PC: variants seen among roughly 807,000 people sequenced by gnomAD.
PC encodes the protein pyruvate carboxylase, also known as pyruvate carboxylase, mitochondrial.
PC carries 46 observed loss-of-function variants against 107.8 expected under a neutral mutation model. The ratio of observed to expected loss-of-function variants is 0.43; its 90% confidence interval spans 0.34 to 0.55. The LOEUF is 0.55. Among genes scored for constraint, PC ranks in the 20% least tolerant of loss-of-function variants. The pLI is 0.04. For synonymous variants in PC, 662 were observed against 684.7 expected (o/e 0.97, Z 0.52); for missense variants, 1,241 against 1,643.1 (o/e 0.76, Z 4.23).
chr11:66,902,154 GTGTT>G (rs1214927950), intron 3 of PC, among the ~76,000 whole-genome samples: 1 of 152,216 alleles, frequency 6.6e-6, no homozygotes, highest in Non-Finnish European at 1.5e-5. Context: ...GGCCTTGACT[GTGTT>G]TGCTGCTGTT....
chr11:66,883,894 T>C (rs759215951), intron 3 of PC, among the ~76,000 whole-genome samples: 1 of 152,044 alleles, frequency 6.6e-6, no homozygotes, highest in Non-Finnish European at 1.5e-5. Flanking sequence ...GAGATCAGCT[T>C]GGGCAACATA....
intron 16 of PC, 21 bp downstream of exon 16, chr11:66,851,768 GC>G: frequency 1.2e-5 from 19 of 1,613,054 alleles, no homozygotes; most frequent in Non-Finnish European, 1.6e-5. Flanking sequence ...GGTAGCGTCT[GC>G]CCACCCCACC....
intron 12 of PC, among the ~76,000 whole-genome samples, chr11:66,854,417 T>C (rs1273785959): frequency 6.6e-6 from 1 of 152,192 alleles, no homozygotes; most frequent in Non-Finnish European, 1.5e-5. Context: ...TCTGCTTGTC[T>C]GCCTGGGAAC....
rs879943741 is a variant in PC at position 66,871,916 on chromosome 11, G to A, written c.137-45C>T. 1 of 1,589,958 alleles carries A rather than the reference G, an allele frequency of 6.3e-7. No homozygotes were observed. The highest frequency in any genetic ancestry group is 8.5e-7 in the Non-Finnish European group (1 of 1,169,916). ...GAAGTTAGATTCCTAGGTCCTAGGA[G>A]AAGCAGAAAGGGGAGTGGGAAGCCA... On this transcript the variant is annotated intron_variant, in intron 4 of 22. Transcript: ENST00000393960. The surrounding 1 kb of genome is among the most constrained non-coding windows in gnomAD (Gnocchi z 7.4).
rs1946750085 is a variant in PC at position 66,871,896 on chromosome 11, T to C, written c.137-25A>G. On this transcript the variant is annotated intron_variant, in intron 4 of 22. Coordinates refer to ENST00000393960, the MANE Select transcript of PC (RefSeq NM_001040716.2). This position sits in a 1 kb window ranked among gnomAD's most constrained non-coding sequence, Gnocchi z 7.4. ...CCTAGAGGGCAAAGAAACAAGAAGT[T>C]AGATTCCTAGGTCCTAGGAGAAGCA... 2.5e-6 allele frequency: 4 copies of C among 1,602,442 alleles called. No individual in the cohort carries two copies. Among genetic ancestry groups the C allele is most frequent in the Middle Eastern group, 1.7e-4 (1 of 6,054 alleles).
Position 66,858,935 on chromosome 11 carries a change from C to G in PC, c.1368+4839G>C, listed in dbSNP as rs200734989. The G allele has an allele frequency of 6.3e-6, 10 of 1,575,500 alleles. No homozygotes were observed. Among genetic ancestry groups the G allele is most frequent in the African/African-American group, 1.4e-5 (1 of 73,968 alleles). The stretch of plus-strand genomic sequence containing the variant: ...TCGCCGCCTCCGCTCGCACTGCTGC[C>G]GAGGGTGAGGGGACGCTGGAGTCTG... On this transcript the variant is annotated intron_variant, in intron 12 of 22. Transcript: ENST00000393960. This position sits in a 1 kb window ranked among gnomAD's most constrained non-coding sequence, Gnocchi z 5.9.
intron 3 of PC, among the ~76,000 whole-genome samples, chr11:66,931,824 T>A (rs368593906): frequency 6.6e-6 from 1 of 152,162 alleles, no homozygotes; most frequent in East Asian, 1.9e-4. Flanking sequence ...GAGACCATCC[T>A]GGCTAACACG....
Position 66,852,328 on chromosome 11 carries a change from G to A in PC, c.1825+111C>T. 1 of 934,456 alleles carries A rather than the reference G, an allele frequency of 1.1e-6. No homozygotes were observed. Among genetic ancestry groups the A allele is most frequent in the Non-Finnish European group, 1.7e-6 (1 of 577,550 alleles). 57.9% of individuals were successfully genotyped at this position (934,456 alleles called of 1,614,324 possible). A position where few individuals can be genotyped will look rare whatever the true frequency, so the allele number is the denominator to read the frequency against. On this transcript the variant is annotated intron_variant, in intron 15 of 22. Transcript: ENST00000393960. The surrounding 1 kb of genome is among the most constrained non-coding windows in gnomAD (Gnocchi z 4.7). Reference sequence around the variant, plus strand: ...GTGCCTTCTTCGGTCCTTCCTCTTTGGTGTTCTTCGTGTCAGCGTCTCTAG... The same window carrying A: ...GTGCCTTCTTCGGTCCTTCCTCTTTAGTGTTCTTCGTGTCAGCGTCTCTAG...
At chr11:66,943,101 T>A (rs547998455) in intron 3 of PC, among the ~76,000 whole-genome samples, 23 of 152,226 alleles carry the variant, frequency 1.5e-4, no homozygotes, top group African/African-American at 5.3e-4. Context: ...ATGTTCAACC[T>A]AACTCCCAAT....
chr11:66,928,723 C>T (rs1365625894), intron 3 of PC, among the ~76,000 whole-genome samples: 1 of 151,928 alleles, frequency 6.6e-6, no homozygotes, highest in Non-Finnish European at 1.5e-5. Context: ...CGGGGTTTCT[C>T]CATGTTGGTC....
At chr11:66,868,755 C>T (rs183164984) in intron 10 of PC, 91 bp downstream of exon 10, 1 of 946,038 alleles carries the variant, frequency 1.1e-6, no homozygotes, top group Non-Finnish European at 1.7e-6. Context: ...AGTGAGCAAG[C>T]CCCCTGGCTG....
chr11:66,935,257 A>G (rs1175745758), intron 3 of PC, among the ~76,000 whole-genome samples: 1 of 152,260 alleles, frequency 6.6e-6, no homozygotes, highest in Non-Finnish European at 1.5e-5. Flanking sequence ...TCTGCTAGAT[A>G]CTGATTGCCA....
intron 3 of PC, among the ~76,000 whole-genome samples, chr11:66,946,226 G>T (rs34276150): frequency 6.6e-6 from 1 of 152,116 alleles, no homozygotes; most frequent in African/African-American, 2.4e-5. Context: ...GCCAGGCGTG[G>T]TGACTCACAT....
intron 12 of PC, chr11:66,859,539 AG>A: frequency 1.3e-6 from 2 of 1,559,484 alleles, no homozygotes; most frequent in East Asian, 4.5e-5. Context: ...GAGTGGCCCC[AG>A]GGGGAGGGGT....
chr11:66,916,594 G>C (rs1458330895), intron 3 of PC, among the ~76,000 whole-genome samples: 2 of 152,156 alleles, frequency 1.3e-5, no homozygotes, highest in African/African-American at 2.4e-5. Context: ...AAGGCACTGG[G>C]TAAAGATAGG....
chr11:66,865,646 A>C (rs1457646869), intron 11 of PC, among the ~76,000 whole-genome samples: 2 of 151,862 alleles, frequency 1.3e-5, no homozygotes, highest in Non-Finnish European at 2.9e-5. Context: ...TCTCTCCCCC[A>C]CCAAGGCTGC....
At chr11:66,944,027 A>G (rs2136139641) in intron 3 of PC, among the ~76,000 whole-genome samples, 1 of 141,022 alleles carries the variant, frequency 7.1e-6, no homozygotes, top group East Asian at 2.1e-4. Flanking sequence ...CACGCCTGTA[A>G]TCCCAGCACT....
chr11:66,908,156 G>A (rs1434352914), intron 3 of PC, among the ~76,000 whole-genome samples: 1 of 152,238 alleles, frequency 6.6e-6, no homozygotes, highest in African/African-American at 2.4e-5. Context: ...TCACAAAGAA[G>A]GGAGGGCCAG....
Position 66,851,425 on chromosome 11 carries a change from G to A in PC, c.1983-145C>T, listed in dbSNP as rs113778313. On this transcript the variant is annotated intron_variant, in intron 16 of 22. Transcript: ENST00000393960. The stretch of plus-strand genomic sequence containing the variant: ...GGCAGGGGGTGTGGCATCCACAGGC[G>A]GGGGGTGGCCACACAAGTGTGGACC... 6.5e-5 allele frequency: 80 copies of A among 1,229,788 alleles called. No individual in the cohort carries two copies. The Middle Eastern group carries it at 6.8e-4, about 11-fold the overall frequency. 76.2% of individuals were successfully genotyped at this position (1,229,788 alleles called of 1,614,324 possible).
Sources: allele counts gnomAD v4.1 joint callset (sites outside exome capture counted in the v4.1 genomes callset), GRCh38; gene constraint gnomAD v4.1.1; non-coding constraint Gnocchi (gnomAD v3.1); transcripts MANE v1.5; gene names NCBI Gene and HGNC (gene_info 2026-07-23, HGNC 2026-07-21).